Variants in HEMK2 observed in about 807,000 individuals in gnomAD.
HEMK2 encodes HemK methyltransferase 2, ETF1 glutamine and histone H4 lysine.
the HEMK2 span, among the ~76,000 whole-genome samples, chr21:28,676,163 GC>G: frequency 1.3e-5 from 2 of 152,184 alleles, no homozygotes; most frequent in African/African-American, 4.8e-5. Context: ...AGACTGGGTG[GC>G]TTCAACTACA....
At chr21:28,775,597 A>G in the HEMK2 span, among the ~76,000 whole-genome samples, 1 of 152,176 alleles carries the variant, frequency 6.6e-6, no homozygotes, top group Non-Finnish European at 1.5e-5. Context: ...AAAAACCCAG[A>G]ATGAGGCTCC....
chr21:28,626,257 T>C, the HEMK2 span, among the ~76,000 whole-genome samples: 1 of 152,192 alleles, frequency 6.6e-6, no homozygotes, highest in Non-Finnish European at 1.5e-5. Flanking sequence ...GTATTAAGTG[T>C]AGTTATAGTA....
chr21:28,795,931 T>C, the HEMK2 span, among the ~76,000 whole-genome samples: 1 of 152,168 alleles, frequency 6.6e-6, no homozygotes, highest in African/African-American at 2.4e-5. Context: ...TTTGACTGTT[T>C]AAAGGTTTGT....
the HEMK2 span, among the ~76,000 whole-genome samples, chr21:28,825,782 T>C: frequency 1.1e-4 from 16 of 152,216 alleles, no homozygotes; most frequent in Admixed American, 1.0e-3. Context: ...ATTCTAGTTT[T>C]CCCAGGAATT....
chr21:28,881,148 A>G, the HEMK2 span, among the ~76,000 whole-genome samples: 2 of 152,190 alleles, frequency 1.3e-5, no homozygotes, highest in African/African-American at 4.8e-5. Flanking sequence ...TTCTTAAAAC[A>G]ATGGTTGTGC....
At chr21:28,731,482 T>G in the HEMK2 span, among the ~76,000 whole-genome samples, 1 of 152,120 alleles carries the variant, frequency 6.6e-6, no homozygotes, top group East Asian at 1.9e-4. Flanking sequence ...CTCTGTGTCC[T>G]TAGATGTCCC....
At chr21:28,629,751 T>G in the HEMK2 span, among the ~76,000 whole-genome samples, 3 of 152,164 alleles carry the variant, frequency 2.0e-5, no homozygotes, top group African/African-American at 7.2e-5. Flanking sequence ...CATGTGAAGG[T>G]TGTTTATCTT....
the HEMK2 span, among the ~76,000 whole-genome samples, chr21:28,701,272 A>G: frequency 6.6e-6 from 1 of 152,212 alleles, no homozygotes; most frequent in East Asian, 1.9e-4. Context: ...CCTATTCAAC[A>G]TAATACTAGA....
the HEMK2 span, among the ~76,000 whole-genome samples, chr21:28,784,171 C>T: frequency 6.6e-6 from 1 of 152,242 alleles, no homozygotes; most frequent in Non-Finnish European, 1.5e-5. Flanking sequence ...GCAGGCAGCT[C>T]TGCCTGCGGC....
At chr21:28,676,138 A>G in the HEMK2 span, among the ~76,000 whole-genome samples, 1 of 152,230 alleles carries the variant, frequency 6.6e-6, no homozygotes, top group African/African-American at 2.4e-5. Context: ...TAGGGCTGCC[A>G]TAACAAACTA....
the HEMK2 span, among the ~76,000 whole-genome samples, chr21:28,686,578 T>C: frequency 1.3e-5 from 2 of 152,202 alleles, no homozygotes; most frequent in Admixed American, 1.3e-4. Context: ...AATTTCTTTA[T>C]ATAGACAGAC....
At chr21:28,785,043 C>T in the HEMK2 span, among the ~76,000 whole-genome samples, 1 of 152,144 alleles carries the variant, frequency 6.6e-6, no homozygotes, top group Non-Finnish European at 1.5e-5. Flanking sequence ...CGAACAACTC[C>T]AGATGCGCTG....
the HEMK2 span, among the ~76,000 whole-genome samples, chr21:28,854,835 T>A: frequency 6.6e-6 from 1 of 152,180 alleles, no homozygotes; most frequent in Admixed American, 6.5e-5. Flanking sequence ...GAAATGTTAA[T>A]CTCCTTTGGC....
At chr21:28,860,456 AAT>A in the HEMK2 span, among the ~76,000 whole-genome samples, 3 of 148,678 alleles carry the variant, frequency 2.0e-5, no homozygotes, top group African/African-American at 2.4e-5. Flanking sequence ...ATATATACAA[AAT>A]ATATATATAT....
the HEMK2 span, chr21:28,882,020 T>C: frequency 2.2e-5 from 11 of 508,826 alleles, no homozygotes; most frequent in African/African-American, 2.1e-4. Context: ...AAAAGGTGGA[T>C]TACATCAACA....
chr21:28,785,118 G>A, the HEMK2 span, among the ~76,000 whole-genome samples: 184 of 152,188 alleles, frequency 1.2e-3, no homozygotes, highest in African/African-American at 4.2e-3. Context: ...GCAAGACCAC[G>A]AGCCTGCCAG....
At chr21:28,754,234 G>T in the HEMK2 span, among the ~76,000 whole-genome samples, 1 of 152,228 alleles carries the variant, frequency 6.6e-6, no homozygotes, top group Non-Finnish European at 1.5e-5. Flanking sequence ...GTGAAGAAAA[G>T]AATGGAAATT....
At chr21:28,864,152 C>T in the HEMK2 span, among the ~76,000 whole-genome samples, 1 of 151,974 alleles carries the variant, frequency 6.6e-6, no homozygotes, top group African/African-American at 2.4e-5. Flanking sequence ...TCTTAATGTT[C>T]CTTTTGAACA....
At chr21:28,710,368 GA>G in the HEMK2 span, among the ~76,000 whole-genome samples, 1 of 152,124 alleles carries the variant, frequency 6.6e-6, no homozygotes, top group Non-Finnish European at 1.5e-5. Context: ...TTTTGTTCTT[GA>G]AAGTAATTTA....
Sources: gnomAD v4.1 joint callset for allele counts (sites outside exome capture counted in the v4.1 genomes callset) on GRCh38, gnomAD v4.1.1 for gene constraint, MANE v1.5 for transcripts, NCBI Gene and HGNC (gene_info 2026-07-23, HGNC 2026-07-21) for gene names.